GAS6: variants seen among roughly 807,000 people sequenced by gnomAD.
GAS6 encodes the protein growth arrest-specific protein 6.
A neutral mutation model predicts 75.8 loss-of-function variants in GAS6; 41 were observed. The observed-to-expected ratio is 0.54, with a 90% confidence interval of 0.42 to 0.70. The LOEUF is 0.70. Ranked by LOEUF, GAS6 falls within the 30% of genes least tolerant of loss-of-function variation. The pLI is 0.00. For synonymous variants in GAS6, 432 were observed against 412.6 expected, an observed-to-expected ratio of 1.05 and a Z score of -0.57; for missense variants, 854 against 940.2, an observed-to-expected ratio of 0.91 and a Z score of 1.20.
At chr13:113,858,762 CGT>C (rs1430304393) in intron 2 of GAS6, among the ~76,000 whole-genome samples, 14 of 137,582 alleles carry the variant, frequency 1.0e-4, no homozygotes, top group Non-Finnish European at 1.6e-4. Context: ...TATGTGTGTG[CGT>C]GTCATTATGC....
chr13:113,859,210 CTG>C (rs142867480), intron 2 of GAS6, among the ~76,000 whole-genome samples: 30,061 of 147,224 alleles, frequency 0.2, 3,157 homozygotes, highest in South Asian at 0.39. Flanking sequence ...GTGTGTGTGA[CTG>C]TGTACGTATG....
chr13:113,846,725 G>A (rs528703489), intron 3 of GAS6, 136 bp from the exon 4 acceptor site: 37 of 698,224 alleles, frequency 5.3e-5, no homozygotes, highest in African/African-American at 4.1e-4. Flanking sequence ...AAACAATGCC[G>A]CTTAGCTTGT....
intron 10 of GAS6, among the ~76,000 whole-genome samples, chr13:113,829,737 T>C (rs1006041999): frequency 1.4e-5 from 2 of 146,698 alleles, no homozygotes; most frequent in Admixed American, 6.8e-5. Context: ...GGACCTGACC[T>C]CAGGGAGTCC....
rs894757462 is a variant in GAS6 at position 113,845,629 on chromosome 13, G to A, written c.343+898C>T. The A allele has an allele frequency of 1.8e-4, 25 of 140,304 alleles. 1 individual carries two copies. Among genetic ancestry groups the A allele is most frequent in the African/African-American group, 6.0e-4 (19 of 31,882 alleles). 8.7% of individuals were successfully genotyped at this position (140,304 alleles called of 1,614,324 possible). A position where few individuals can be genotyped will look rare whatever the true frequency, so the allele number is the denominator to read the frequency against. On this transcript the variant is annotated intron_variant, in intron 4 of 14. Coordinates refer to ENST00000327773, the MANE Select transcript of GAS6 (RefSeq NM_000820.4). The surrounding 1 kb of genome is among the most constrained non-coding windows in gnomAD (Gnocchi z 4.3). ...ATTTTTGATAACTTTACTACCAATG[G>A]CTAATGTGCAAACTCCTACAAATTG...
intron 5 of GAS6, among the ~76,000 whole-genome samples, chr13:113,838,520 C>A (rs1263655338): frequency 3.0e-5 from 4 of 134,768 alleles, no homozygotes; most frequent in African/African-American, 2.8e-5. Context: ...ACAGCCCAGC[C>A]CTGGAGCAGG....
At chr13:113,847,057 G>C in intron 3 of GAS6, 1 of 500,418 alleles carries the variant, frequency 2.0e-6, no homozygotes, top group Non-Finnish European at 4.0e-6. Context: ...GGGCGGCGGG[G>C]GGAGGCGAGG....
In GAS6 at chr13:113,846,066, T is replaced by C. The variant is rs181293935; in HGVS notation, c.343+461A>G. The stretch of plus-strand genomic sequence containing the variant: ...ATATGCATGGGCTAAGTTCATATGA[T>C]GCACCGGCTGGAAATGCCAGCGTGA... On this transcript the variant is annotated intron_variant, in intron 4 of 14. Coordinates refer to ENST00000327773, the MANE Select transcript of GAS6 (RefSeq NM_000820.4). Among the ~76,000 whole-genome samples, 153 of 152,356 alleles carry C rather than the reference T, an allele frequency of 1.0e-3. 1 individual carries two copies. The highest frequency in any genetic ancestry group is 1.8e-3 in the Non-Finnish European group (120 of 68,038).
At chr13:113,833,299 C>T (rs938149817) in intron 8 of GAS6, 5 of 1,029,646 alleles carry the variant, frequency 4.9e-6, no homozygotes, top group Non-Finnish European at 5.8e-6. Context: ...CCGACACCCT[C>T]TGCATGAGTA....
intron 2 of GAS6, among the ~76,000 whole-genome samples, chr13:113,855,096 C>T (rs892810624): frequency 6.6e-6 from 1 of 152,322 alleles, no homozygotes; most frequent in East Asian, 1.9e-4. Context: ...TATAAAACAG[C>T]AAAATAAAAT....
chr13:113,836,850 G>GGAGGAGGAGGGGGAATGGA lies in GAS6; in HGVS notation c.590-1216_590-1215insTCCATTCCCCCTCCTCCTC, dbSNP rs2051721424. On this transcript the variant is annotated intron_variant, in intron 6 of 14. Transcript: ENST00000327773. Reference sequence around the variant, plus strand: ...AGATGGGGAGGAGGAGGGGGAGTGGGGGGGAGGAGGAGGGGGAGTGGGGAG... The same window carrying GGAGGAGGAGGGGGAATGGA: ...AGATGGGGAGGAGGAGGGGGAGTGGGGAGGAGGAGGGGGAATGGAGGGGAGGAGGAGGGGGAGTGGGGAG... Among the ~76,000 whole-genome samples, 2 of 29,248 alleles carry GGAGGAGGAGGGGGAATGGA rather than the reference G, an allele frequency of 6.8e-5. 1 individual carries two copies. Among genetic ancestry groups the GGAGGAGGAGGGGGAATGGA allele is most frequent in the African/African-American group, 3.2e-4 (2 of 6,210 alleles). The allele number at this position is 29,248 out of a possible 152,430, so 19.2% of individuals were successfully genotyped here.
chr13:113,835,951 G>T, intron 6 of GAS6: 1 of 1,140,762 alleles, frequency 8.8e-7, no homozygotes, highest in South Asian at 3.8e-5. Context: ...AAATGACGGT[G>T]CTACAGGACA....
In GAS6 at chr13:113,848,093, C is replaced by T. The variant is rs1288690781; in HGVS notation, c.256-43G>A. On this transcript the variant is annotated intron_variant, in intron 2 of 14. Transcript: ENST00000327773. This position sits in a 1 kb window ranked among gnomAD's most constrained non-coding sequence, Gnocchi z 4.8. Reference sequence around the variant, plus strand: ...GAAAAGGCAAGCATTGACCGGCACACTACGAGGGTCTCTGAACAACATAAG... The same window carrying T: ...GAAAAGGCAAGCATTGACCGGCACATTACGAGGGTCTCTGAACAACATAAG... 3.1e-6 allele frequency: 5 copies of T among 1,602,952 alleles called. No homozygotes were observed. Among genetic ancestry groups the T allele is most frequent in the Non-Finnish European group, 4.3e-6 (5 of 1,173,452 alleles).
At chr13:113,827,919 C>T (rs1284419881) in intron 11 of GAS6, among the ~76,000 whole-genome samples, 10 of 152,242 alleles carry the variant, frequency 6.6e-5, no homozygotes, top group African/African-American at 1.7e-4. Flanking sequence ...ATGAGACTCA[C>T]GGCAGAGTTA....
chr13:113,828,614 C>T lies in GAS6; in HGVS notation c.1241G>A (p.Arg414Gln), dbSNP rs113292330. 1.6e-3 allele frequency: 2,661 copies of T among 1,613,634 alleles called. 4 individuals carry two copies. The highest frequency in any genetic ancestry group is 2.0e-3 in the Non-Finnish European group (2,397 of 1,180,002). Residue 414 changes from arginine to glutamine, a missense_variant, in exon 11 of 15, where the codon CGA (arginine) becomes CAA (glutamine). Coordinates refer to ENST00000327773, the MANE Select transcript of GAS6 (RefSeq NM_000820.4). Reference sequence around the variant, plus strand: ...GGTCAGGTTCAGATGATACAGTCCTCGCTCCGGTTGGAACAAGTCCCCGGC... The same window carrying T: ...GGTCAGGTTCAGATGATACAGTCCTTGCTCCGGTTGGAACAAGTCCCCGGC... Reference protein sequence around the residue: ...AVAGDLFQPERGLYHLNLTVG... With the variant: ...AVAGDLFQPEQGLYHLNLTVG...
At chr13:113,824,626 A>C (rs1471719454) in intron 12 of GAS6, among the ~76,000 whole-genome samples, 1 of 152,212 alleles carries the variant, frequency 6.6e-6, no homozygotes, top group Non-Finnish European at 1.5e-5. Flanking sequence ...CTGTGTGTAC[A>C]CATTTGTGAC....
Position 113,828,702 on chromosome 13 carries a change from C to CTG in GAS6, c.1152_1153insCA (p.Glu385GlnfsTer18). 6.2e-7 allele frequency: 1 copy of CTG among 1,613,256 alleles called. No individual in the cohort carries two copies. Among genetic ancestry groups the CTG allele is most frequent in the Non-Finnish European group, 8.5e-7 (1 of 1,179,892 alleles). On this transcript the variant is annotated frameshift_variant, in exon 11 of 15. Transcript: ENST00000327773. Reference sequence around the variant, plus strand: ...ATGACCAGATTCCGCGCCAGCTCCTCAACAGAGATCTGAAGAGAGGCAGCG... The same window carrying CTG: ...ATGACCAGATTCCGCGCCAGCTCCTCTGAACAGAGATCTGAAGAGAGGCAGCG...
chr13:113,863,446 G>T lies in GAS6; in HGVS notation c.255+129C>A. ...CGTGGGGGACGCGGGGCGGGCCGGG[G>T]CTCCTGGGACCCTGAGGCCAGGCCT... On this transcript the variant is annotated intron_variant, in intron 2 of 14. Coordinates refer to ENST00000327773, the MANE Select transcript of GAS6 (RefSeq NM_000820.4). The surrounding 1 kb of genome is among the most constrained non-coding windows in gnomAD (Gnocchi z 9.4). 1 of 870,816 alleles carries T rather than the reference G, an allele frequency of 1.1e-6. No individual in the cohort carries two copies. Among genetic ancestry groups the T allele is most frequent in the Non-Finnish European group, 1.6e-6 (1 of 643,448 alleles). 53.9% of individuals were successfully genotyped at this position (870,816 alleles called of 1,614,324 possible).
At position 113,832,482 on chromosome 13, in the gene GAS6, T is replaced by C. The variant is rs202125638; in HGVS notation, c.960A>G (p.Val320=). Residue 320 remains valine, a synonymous_variant, in exon 10 of 15, where the codon GTA becomes GTG. Transcript: ENST00000327773. ...CAAAGGTCCGGAAGTCAAACTCAGC[T>C]ACCAGCCTGGGCACCCACAGGAGAA... ...RFKRLQPTRL[V]AEFDFRTFDP... The C allele has an allele frequency of 1.3e-6, 2 of 1,598,808 alleles. No homozygotes were observed. Among genetic ancestry groups the C allele is most frequent in the Admixed American group, 3.4e-5 (2 of 59,464 alleles).
At position 113,863,504 on chromosome 13, in the gene GAS6, T is replaced by C. The variant is rs1236477421; in HGVS notation, c.255+71A>G. ...CGGAGCTGGGGGGCGGCAGCAGCGC[T>C]GCCTCTCGGGAGCGGTTGGAGGCGC... On this transcript the variant is annotated intron_variant, in intron 2 of 14. Transcript: ENST00000327773. The surrounding 1 kb of genome is among the most constrained non-coding windows in gnomAD (Gnocchi z 9.4). The C allele has an allele frequency of 1.4e-6, 2 of 1,406,792 alleles. No individual in the cohort carries two copies. The highest frequency in any genetic ancestry group is 1.9e-6 in the Non-Finnish European group (2 of 1,079,530). The allele number at this position is 1,406,792 out of a possible 1,614,324, so 87.1% of individuals were successfully genotyped here.
Sources: allele counts gnomAD v4.1 joint callset (sites outside exome capture counted in the v4.1 genomes callset), GRCh38; gene constraint gnomAD v4.1.1; non-coding constraint Gnocchi (gnomAD v3.1); transcripts MANE v1.5; gene names NCBI Gene and HGNC (gene_info 2026-07-23, HGNC 2026-07-21).